IL1RAPL1: variants seen among roughly 807,000 people sequenced by gnomAD.
IL1RAPL1 encodes interleukin-1 receptor accessory protein-like 1.
In IL1RAPL1, 3 loss-of-function variants were observed where a neutral mutation model predicts 48.4. That is an observed-to-expected ratio of 0.06 (90% CI 0.03 to 0.16). The LOEUF is 0.16. Ranked by LOEUF, IL1RAPL1 falls within the 10% of genes least tolerant of loss-of-function variation. The pLI, the probability that IL1RAPL1 is intolerant of heterozygous loss-of-function variation, is 1.00. For synonymous variants in IL1RAPL1, 185 were observed against 187.7 expected, an observed-to-expected ratio of 0.99 and a Z score of 0.12; for missense variants, 349 against 530.6, an observed-to-expected ratio of 0.66 and a Z score of 3.36.
intron 2 of IL1RAPL1, among the ~76,000 whole-genome samples, chrX:29,187,352 G>A (rs1363267347): frequency 2.7e-5 from 3 of 111,259 alleles, no homozygotes; most frequent in Non-Finnish European, 3.8e-5. Context: ...CTTGCCACAG[G>A]TTCATGAATA....
chrX:28,638,473 A>G (rs1934492916), intron 1 of IL1RAPL1, among the ~76,000 whole-genome samples: 1 of 110,406 alleles, frequency 9.1e-6, no homozygotes, highest in Non-Finnish European at 1.9e-5. Flanking sequence ...TTACTTCCTT[A>G]TTAGGTTCCT....
At chrX:29,662,561 G>A (rs959429447) in intron 5 of IL1RAPL1, among the ~76,000 whole-genome samples, 1 of 111,680 alleles carries the variant, frequency 9.0e-6, no homozygotes, top group Admixed American at 9.5e-5. Context: ...TGGTAGAGAG[G>A]AAATATTTTA....
intron 5 of IL1RAPL1, among the ~76,000 whole-genome samples, chrX:29,589,292 T>G: frequency 8.9e-6 from 1 of 112,013 alleles, no homozygotes; most frequent in Non-Finnish European, 1.9e-5. Flanking sequence ...AGATCCTTCA[T>G]TCATACTTTC....
At chrX:29,513,582 G>T (rs1935416280) in intron 5 of IL1RAPL1, among the ~76,000 whole-genome samples, 1 of 111,785 alleles carries the variant, frequency 8.9e-6, no homozygotes, top group East Asian at 2.8e-4. Flanking sequence ...GCATTCAAAA[G>T]AGCACACTTC....
chrX:28,670,733 G>A (rs1934939521), intron 1 of IL1RAPL1, among the ~76,000 whole-genome samples: 1 of 111,943 alleles, frequency 8.9e-6, no homozygotes, highest in Admixed American at 9.5e-5. Flanking sequence ...AATAGACTTA[G>A]GAACTTCAAA....
intron 2 of IL1RAPL1, among the ~76,000 whole-genome samples, chrX:29,215,489 C>T (rs1158190014): frequency 9.0e-6 from 1 of 110,823 alleles, no homozygotes; most frequent in Non-Finnish European, 1.9e-5. Flanking sequence ...GATGATAAAA[C>T]ATAGAGGAGA....
intron 5 of IL1RAPL1, among the ~76,000 whole-genome samples, chrX:29,431,653 A>T (rs942031189): frequency 4.5e-5 from 5 of 112,009 alleles, no homozygotes; most frequent in African/African-American, 1.6e-4. Context: ...AATAGGAGAA[A>T]ATATTTTAAA....
intron 1 of IL1RAPL1, among the ~76,000 whole-genome samples, chrX:28,723,327 T>C (rs1401374654): frequency 9.1e-6 from 1 of 110,479 alleles, no homozygotes; most frequent in Admixed American, 9.8e-5. Context: ...CTTGGGAGGG[T>C]GTGTGTGTCC....
chrX:29,941,682 C>T lies in IL1RAPL1; in HGVS notation c.1089C>T (p.Gly363=), dbSNP rs201215945. The change falls in exon 9 of 11, where the codon GGC becomes GGT. Residue 363 remains glycine (G), a synonymous_variant. Coordinates refer to ENST00000378993, the MANE Select transcript of IL1RAPL1 (RefSeq NM_014271.4). ...TGTACACAGTGGAACTTGCTGGAGG[C>T]CTTGGTGCTATACTCTTGCTGCTTG... The part of the protein sequence containing the change: ...ELMYTVELAG[G]LGAILLLLVC... 6.7e-4 allele frequency: 810 copies of T among 1,208,234 alleles called. 2 individuals are homozygous for T. In the South Asian group the frequency reaches 0.013, roughly 20 times the overall value.
chrX:29,659,257 A>G (rs918446105), intron 5 of IL1RAPL1, among the ~76,000 whole-genome samples: 2 of 112,050 alleles, frequency 1.8e-5, no homozygotes, highest in Non-Finnish European at 3.8e-5. Flanking sequence ...CTCTACCTTC[A>G]TAAGATTGAC....
intron 2 of IL1RAPL1, among the ~76,000 whole-genome samples, chrX:29,095,772 C>CT (rs5901910): frequency 0.01 from 984 of 96,487 alleles, 9 homozygotes; most frequent in East Asian, 0.038. Context: ...CTGCATTTGC[C>CT]TTTTTTTTTT....
At chrX:29,092,589 C>T in intron 2 of IL1RAPL1, among the ~76,000 whole-genome samples, 1 of 111,463 alleles carries the variant, frequency 9.0e-6, no homozygotes, top group Admixed American at 9.6e-5. Context: ...AAATAGTAAA[C>T]AACCATTTAA....
chrX:29,820,374 T>C (rs1184842946), intron 6 of IL1RAPL1, among the ~76,000 whole-genome samples: 1 of 111,646 alleles, frequency 9.0e-6, no homozygotes, highest in Admixed American at 9.6e-5. Context: ...GTGGAATATT[T>C]TCTTTAAGCC....
chrX:29,358,747 G>A (rs1473887999), intron 3 of IL1RAPL1, among the ~76,000 whole-genome samples: 7 of 110,697 alleles, frequency 6.3e-5, no homozygotes, highest in Non-Finnish European at 1.3e-4. Context: ...GGCCGGGCAC[G>A]GTGGCTCACG....
At chrX:29,803,375 A>ATG (rs1271730666) in intron 6 of IL1RAPL1, among the ~76,000 whole-genome samples, 6 of 84,218 alleles carry the variant, frequency 7.1e-5, no homozygotes, top group Non-Finnish European at 1.4e-4. Flanking sequence ...ATATGTATAT[A>ATG]TGTATACATG....
chrX:28,749,676 C>A (rs1411612729), intron 1 of IL1RAPL1, among the ~76,000 whole-genome samples: 2 of 111,384 alleles, frequency 1.8e-5, no homozygotes, highest in African/African-American at 6.5e-5. Context: ...ATATAGTTTG[C>A]AAATATTTCC....
intron 3 of IL1RAPL1, among the ~76,000 whole-genome samples, chrX:29,367,730 G>A (rs1424450038): frequency 4.6e-5 from 5 of 108,268 alleles, no homozygotes; most frequent in Admixed American, 1.0e-4. Flanking sequence ...ACAGGCGCAC[G>A]CCACCACGCC....
At chrX:29,259,581 T>C (rs1324436334) in intron 2 of IL1RAPL1, among the ~76,000 whole-genome samples, 1 of 111,204 alleles carries the variant, frequency 9.0e-6, no homozygotes, top group Non-Finnish European at 1.9e-5. Context: ...AAAAAACATA[T>C]AAGATTAATC....
chrX:29,822,252 T>C (rs998034003), intron 6 of IL1RAPL1, among the ~76,000 whole-genome samples: 1 of 111,535 alleles, frequency 9.0e-6, no homozygotes, highest in African/African-American at 3.3e-5. Flanking sequence ...TTAAAACACA[T>C]GTGGTGAATA....
Sources: gnomAD v4.1 joint callset for allele counts (sites outside exome capture counted in the v4.1 genomes callset) on GRCh38, gnomAD v4.1.1 for gene constraint, MANE v1.5 for transcripts, NCBI Gene and HGNC (gene_info 2026-07-23, HGNC 2026-07-21) for gene names.